Variants in AGBL4 observed in about 807,000 individuals in gnomAD.
The protein encoded by AGBL4 is AGBL carboxypeptidase 4.
Under a neutral mutation model 66.4 loss-of-function variants are expected in AGBL4, and 58 were observed. That is an observed-to-expected ratio of 0.87 (90% CI 0.71 to 1.09). AGBL4 has a LOEUF of 1.09. Among genes scored for constraint, AGBL4 ranks in the 50% least tolerant of loss-of-function variants. The probability of loss-of-function intolerance (pLI) is 0.00; values close to 1 mark genes in which losing one functional copy is unlikely to be tolerated. For missense variants in AGBL4, 579 were observed against 631.0 expected, an observed-to-expected ratio of 0.92 and a Z score of 0.88; for synonymous variants, 234 against 222.9, an observed-to-expected ratio of 1.05 and a Z score of -0.44.
chr1:49,420,594 G>A (rs904992398), intron 3 of AGBL4, among the ~76,000 whole-genome samples: 9 of 151,860 alleles, frequency 5.9e-5, no homozygotes, highest in African/African-American at 1.9e-4. Context: ...CCAGCTACTC[G>A]GGAGGCTGAG....
intron 2 of AGBL4, among the ~76,000 whole-genome samples, chr1:49,833,373 A>G (rs1488083287): frequency 6.6e-6 from 1 of 152,042 alleles, no homozygotes; most frequent in African/African-American, 2.4e-5. Context: ...TGGTACCAGT[A>G]CCATGCTGTT....
intron 2 of AGBL4, among the ~76,000 whole-genome samples, chr1:49,834,313 G>C (rs1385986976): frequency 6.6e-6 from 1 of 152,134 alleles, no homozygotes; most frequent in Non-Finnish European, 1.5e-5. Context: ...AGTCTTGGGA[G>C]GGTGTATGTG....
chr1:48,967,880 C>T (rs935481192), intron 5 of AGBL4, among the ~76,000 whole-genome samples: 1 of 152,110 alleles, frequency 6.6e-6, no homozygotes, highest in Non-Finnish European at 1.5e-5. Flanking sequence ...GAAACACAGC[C>T]ACTCATCTCA....
At chr1:49,001,287 A>T (rs1045016932) in intron 5 of AGBL4, among the ~76,000 whole-genome samples, 1 of 152,224 alleles carries the variant, frequency 6.6e-6, no homozygotes, top group Non-Finnish European at 1.5e-5. Context: ...GGCTAATATC[A>T]TCTTGAAATC....
chr1:48,615,779 A>C (rs1033403263), intron 9 of AGBL4, among the ~76,000 whole-genome samples: 1 of 152,182 alleles, frequency 6.6e-6, no homozygotes, highest in African/African-American at 2.4e-5. Context: ...TTGTGCTGCT[A>C]TGATAAAATA....
intron 6 of AGBL4, among the ~76,000 whole-genome samples, chr1:48,786,794 T>C (rs1229152606): frequency 6.6e-6 from 1 of 151,504 alleles, no homozygotes; most frequent in African/African-American, 2.4e-5. Context: ...CGGGGAAGAG[T>C]GGAGGATTAT....
At chr1:49,095,735 C>T (rs181203994) in intron 4 of AGBL4, among the ~76,000 whole-genome samples, 6,237 of 151,312 alleles carry the variant, frequency 0.041, 223 homozygotes, top group East Asian at 0.16. Context: ...CCATAAAAAC[C>T]CTAGAAGAAA....
intron 8 of AGBL4, among the ~76,000 whole-genome samples, chr1:48,650,122 C>T (rs570369241): frequency 6.7e-4 from 102 of 152,350 alleles, no homozygotes; most frequent in South Asian, 1.4e-3. Context: ...CAGGGCAGGC[C>T]TGTCTTTGGT....
chr1:48,942,608 T>C (rs1656098980), intron 5 of AGBL4, among the ~76,000 whole-genome samples: 1 of 152,248 alleles, frequency 6.6e-6, no homozygotes, highest in African/African-American at 2.4e-5. Context: ...CTGGAAGCTG[T>C]GTCCCAATTC....
intron 6 of AGBL4, among the ~76,000 whole-genome samples, chr1:48,835,004 C>T (rs1362185399): frequency 6.6e-6 from 1 of 152,120 alleles, no homozygotes; most frequent in Non-Finnish European, 1.5e-5. Flanking sequence ...AGGTTTCAAA[C>T]AAATGCCTTA....
At chr1:49,567,530 G>A (rs757328576) in intron 3 of AGBL4, among the ~76,000 whole-genome samples, 14 of 152,056 alleles carry the variant, frequency 9.2e-5, no homozygotes, top group Non-Finnish European at 1.8e-4. Flanking sequence ...TAAAAGTATA[G>A]TAATTTTTAA....
chr1:48,708,687 G>A (rs1176515883), intron 6 of AGBL4, among the ~76,000 whole-genome samples: 1 of 152,226 alleles, frequency 6.6e-6, no homozygotes, highest in East Asian at 1.9e-4. Context: ...GAAGGGCTGA[G>A]CCTAAAGCTC....
chr1:48,785,449 C>T (rs1262613678), intron 6 of AGBL4, among the ~76,000 whole-genome samples: 3 of 152,170 alleles, frequency 2.0e-5, no homozygotes, highest in African/African-American at 7.2e-5. Context: ...TCTCATTTTC[C>T]TCTCTGTGTT....
At position 48,581,555 on chromosome 1, in the gene AGBL4, C is replaced by T. The variant is rs117161869; in HGVS notation, c.1267+5449G>A. 5.0e-3 allele frequency among the ~76,000 whole-genome samples: 764 copies of T among 152,344 alleles called. 17 individuals carry two copies. The South Asian group carries it at 0.053, about 11-fold the overall frequency. ...TGATTCCAGTTTAGCCTTTCTCTCC[C>T]TCTTTTTCAAATCGTTTGAACAGAG... On this transcript the variant is annotated intron_variant, in intron 11 of 13. Coordinates refer to ENST00000371839, the MANE Select transcript of AGBL4 (RefSeq NM_032785.4).
chr1:49,372,914 A>G (rs1031798121), intron 3 of AGBL4, among the ~76,000 whole-genome samples: 1 of 151,900 alleles, frequency 6.6e-6, no homozygotes, highest in East Asian at 1.9e-4. Context: ...TCTCACCACC[A>G]TGTCCAGCTA....
At chr1:49,320,395 G>C (rs908634664) in intron 3 of AGBL4, among the ~76,000 whole-genome samples, 7 of 152,198 alleles carry the variant, frequency 4.6e-5, no homozygotes, top group Admixed American at 1.3e-4. Flanking sequence ...AAGCAGAGGA[G>C]AATGGACAGT....
intron 2 of AGBL4, chr1:49,845,005 G>C: frequency 7.0e-7 from 1 of 1,437,808 alleles, no homozygotes; most frequent in Non-Finnish European, 9.6e-7. Flanking sequence ...CCACACGTGG[G>C]GAACACGTGG....
At chr1:48,524,742 T>C in the AGBL4 span, among the ~76,000 whole-genome samples, 3 of 152,148 alleles carry the variant, frequency 2.0e-5, no homozygotes, top group Non-Finnish European at 2.9e-5. Flanking sequence ...AAGAAGTTAT[T>C]CATATAAGAT....
chr1:49,978,181 G>A (rs894077420), intron 1 of AGBL4, among the ~76,000 whole-genome samples: 1 of 152,150 alleles, frequency 6.6e-6, no homozygotes, highest in Non-Finnish European at 1.5e-5. Flanking sequence ...CAGATGCAGT[G>A]GCTCATACCT....
Sources: gnomAD v4.1 joint callset for allele counts (sites outside exome capture counted in the v4.1 genomes callset) on GRCh38, gnomAD v4.1.1 for gene constraint, MANE v1.5 for transcripts, NCBI Gene and HGNC (gene_info 2026-07-23, HGNC 2026-07-21) for gene names.